The following B3GALT1 variants were observed in gnomAD, a reference collection of about 807,000 sequenced individuals.
B3GALT1 encodes UDP-Gal:betaGlcNAc beta 1,3-galactosyltransferase, polypeptide 1.
B3GALT1 carries 10 observed loss-of-function variants against 23.2 expected under a neutral mutation model. The ratio of observed to expected loss-of-function variants is 0.43; its 90% CI spans 0.27 to 0.73. The LOEUF is 0.73. Ranked by LOEUF, B3GALT1 falls within the 30% of genes least tolerant of loss-of-function variation. The pLI, the probability that B3GALT1 is intolerant of heterozygous loss-of-function variation, is 0.21. For missense variants in B3GALT1, 299 were observed against 405.4 expected (o/e 0.74, Z 2.25); for synonymous variants, 156 against 141.5 (o/e 1.10, Z -0.73).
At chr2:167,713,142 C>A (rs1273266001) in intron 3 of B3GALT1, among the ~76,000 whole-genome samples, 1 of 152,156 alleles carries the variant, frequency 6.6e-6, no homozygotes, top group Non-Finnish European at 1.5e-5. Context: ...AAACATAGAT[C>A]TATTTACGAA....
intron 3 of B3GALT1, among the ~76,000 whole-genome samples, chr2:167,685,729 C>T (rs542326498): frequency 1.3e-5 from 2 of 152,190 alleles, no homozygotes; most frequent in Non-Finnish European, 2.9e-5. Context: ...ATTTTATTCT[C>T]TGCAGTGGAA....
chr2:167,608,450 G>C (rs1685004467), intron 2 of B3GALT1, among the ~76,000 whole-genome samples: 1 of 152,072 alleles, frequency 6.6e-6, no homozygotes, highest in Non-Finnish European at 1.5e-5. Flanking sequence ...TTGTATTTAA[G>C]GTTTAATTCT....
At chr2:167,402,933 A>G (rs1698215088) in intron 1 of B3GALT1, among the ~76,000 whole-genome samples, 1 of 152,178 alleles carries the variant, frequency 6.6e-6, no homozygotes, top group South Asian at 2.1e-4. Flanking sequence ...ATAATGCAGA[A>G]TAATAGGAGG....
At chr2:167,345,897 C>T (rs1697217020) in intron 1 of B3GALT1, among the ~76,000 whole-genome samples, 2 of 152,080 alleles carry the variant, frequency 1.3e-5, no homozygotes, top group African/African-American at 4.8e-5. Flanking sequence ...CCCATATCAT[C>T]ATCTGAAAAC....
At chr2:167,677,453 C>T (rs901425615) in intron 3 of B3GALT1, among the ~76,000 whole-genome samples, 1 of 152,226 alleles carries the variant, frequency 6.6e-6, no homozygotes. Flanking sequence ...CCCACTCTAA[C>T]CTTTTCTTCA....
At chr2:167,730,490 A>G (rs570814475) in intron 3 of B3GALT1, among the ~76,000 whole-genome samples, 4 of 152,306 alleles carry the variant, frequency 2.6e-5, no homozygotes, top group Admixed American at 2.0e-4. Flanking sequence ...CCTGAGAGGT[A>G]GTATTATTAT....
Position 167,870,306 on chromosome 2 carries a change from A to G in B3GALT1, c.*286A>G. The G allele has an allele frequency of 3.8e-6, 1 of 264,956 alleles. No individual in the cohort carries two copies. The highest frequency in any genetic ancestry group is 2.2e-5 in the African/African-American group (1 of 45,316). The allele number at this position is 264,956 out of a possible 1,614,324, so 16.4% of individuals were successfully genotyped here. On this transcript the variant is annotated 3_prime_UTR_variant, in exon 5 of 5. Transcript: ENST00000392690. ...AACTCTTAGGATTGACGTACCGTGC[A>G]TCTGAGATAAAAATTTGGTTCTGGG... is the stretch of plus-strand genomic sequence containing the variant.
intron 4 of B3GALT1, among the ~76,000 whole-genome samples, chr2:167,830,819 G>A (rs1023051710): frequency 6.6e-6 from 1 of 152,182 alleles, no homozygotes; most frequent in African/African-American, 2.4e-5. Flanking sequence ...TAATTCATTG[G>A]TTGACTGAAC....
intron 1 of B3GALT1, among the ~76,000 whole-genome samples, chr2:167,348,350 G>A (rs1697257323): frequency 6.6e-6 from 1 of 152,022 alleles, no homozygotes; most frequent in African/African-American, 2.4e-5. Context: ...TTCAGGCAGT[G>A]TTTTAACAGT....
chr2:167,714,267 G>T, intron 3 of B3GALT1: 1 of 1,500,300 alleles, frequency 6.7e-7, no homozygotes, highest in Non-Finnish European at 9.3e-7. Context: ...CTACGGTCCT[G>T]TTCCCATGGA....
chr2:167,508,144 T>C (rs760343699), intron 2 of B3GALT1, among the ~76,000 whole-genome samples: 8 of 152,180 alleles, frequency 5.3e-5, no homozygotes, highest in Non-Finnish European at 7.4e-5. Flanking sequence ...TACCATCACA[T>C]TGGGGTTAGG....
intron 2 of B3GALT1, among the ~76,000 whole-genome samples, chr2:167,574,656 T>G (rs1684352612): frequency 6.6e-6 from 1 of 151,756 alleles, no homozygotes; most frequent in Non-Finnish European, 1.5e-5. Context: ...ATACCATGTT[T>G]GATTTTATGT....
At chr2:167,547,807 G>C (rs1383884729) in intron 2 of B3GALT1, among the ~76,000 whole-genome samples, 1 of 151,652 alleles carries the variant, frequency 6.6e-6, no homozygotes, top group Non-Finnish European at 1.5e-5. Context: ...CTGCCAAAAA[G>C]AATTGGATCC....
In B3GALT1 at chr2:167,869,444, A is replaced by G. The variant is rs765490171; in HGVS notation, c.405A>G (p.Gln135=). Residue 135 remains glutamine (Q), a synonymous_variant, in exon 5 of 5, where the codon CAA becomes CAG. Transcript: ENST00000392690. This position sits in a 1 kb window ranked among gnomAD's most constrained non-coding sequence, Gnocchi z 6.4. ...ATCAGATGGTGGAGCAAGAGAGCCA[A>G]ATCTTCCATGATATCATCGTGGAGG... The part of the protein sequence containing the change: ...VLNQMVEQES[Q]IFHDIIVEDF... 3.1e-6 allele frequency: 5 copies of G among 1,614,024 alleles called. No individual in the cohort carries two copies. In the East Asian group the frequency reaches 1.1e-4, roughly 36 times the overall value.
chr2:167,713,543 G>A (rs979130170), intron 3 of B3GALT1: 4 of 709,882 alleles, frequency 5.6e-6, no homozygotes, highest in Non-Finnish European at 9.6e-6. Context: ...CCTGAGAACT[G>A]TAATTCCATT....
intron 3 of B3GALT1, among the ~76,000 whole-genome samples, chr2:167,795,801 T>C (rs1244762932): frequency 6.6e-6 from 1 of 152,246 alleles, no homozygotes; most frequent in Middle Eastern, 3.2e-3. Flanking sequence ...CTCCAAGGTT[T>C]CCTCCAGAAA....
rs1574311883 is a variant in B3GALT1 at position 167,869,195 on chromosome 2, C to T, written c.156C>T (p.Asn52=). The T allele has an allele frequency of 1.2e-6, 2 of 1,614,182 alleles. No individual in the cohort carries two copies. Among genetic ancestry groups the T allele is most frequent in the African/African-American group, 1.3e-5 (1 of 75,048 alleles). The change falls in exon 5 of 5, where the codon AAC becomes AAT. Residue 52 remains asparagine (N), a synonymous_variant. Transcript: ENST00000392690. This position sits in a 1 kb window ranked among gnomAD's most constrained non-coding sequence, Gnocchi z 6.4. ...CCAGGAAAAACTTCACCTTTGGCAA[C>T]ATAAGAACTCGACCTATCAACCCAC... ...TVARKNFTFG[N]IRTRPINPHS...
At chr2:167,863,306 A>G (rs1690142086) in intron 4 of B3GALT1, among the ~76,000 whole-genome samples, 1 of 152,212 alleles carries the variant, frequency 6.6e-6, no homozygotes, top group Non-Finnish European at 1.5e-5. Flanking sequence ...CTTTAGAAGA[A>G]TGGATCAATA....
At chr2:167,361,489 A>T (rs887448621) in intron 1 of B3GALT1, among the ~76,000 whole-genome samples, 1 of 152,254 alleles carries the variant, frequency 6.6e-6, no homozygotes, top group Non-Finnish European at 1.5e-5. Context: ...AAACCATAAG[A>T]TGCAAACAAA....
Sources: gnomAD v4.1 joint callset for allele counts (sites outside exome capture counted in the v4.1 genomes callset) on GRCh38, gnomAD v4.1.1 for gene constraint, Gnocchi (gnomAD v3.1) non-coding constraint, MANE v1.5 for transcripts, NCBI Gene and HGNC (gene_info 2026-07-23, HGNC 2026-07-21) for gene names.